Variants in NKAIN2 observed in about 807,000 individuals in gnomAD.
The protein encoded by NKAIN2 is sodium/potassium transporting ATPase interacting 2, also known as sodium/potassium-transporting ATPase subunit beta-1-interacting protein 2.
In NKAIN2, 14 loss-of-function variants were observed where a neutral mutation model predicts 32.6. The observed-to-expected ratio is 0.43, with a 90% CI of 0.28 to 0.67. The LOEUF is 0.67. Ranked by LOEUF, NKAIN2 falls within the 30% of genes least tolerant of loss-of-function variation. The probability of loss-of-function intolerance (pLI) is 0.17; values close to 1 mark genes in which losing one functional copy is unlikely to be tolerated. For synonymous variants in NKAIN2, 80 were observed against 87.2 expected, an observed-to-expected ratio of 0.92 and a Z score of 0.46; for missense variants, 198 against 258.3, an observed-to-expected ratio of 0.77 and a Z score of 1.60.
intron 1 of NKAIN2, among the ~76,000 whole-genome samples, chr6:123,845,309 C>T (rs2114943947): frequency 1.3e-5 from 2 of 152,286 alleles, no homozygotes; most frequent in South Asian, 4.1e-4. Context: ...TCAAATAGCT[C>T]ACAAGTCTTT....
At chr6:123,950,131 G>A (rs1418919824) in intron 1 of NKAIN2, among the ~76,000 whole-genome samples, 1 of 152,022 alleles carries the variant, frequency 6.6e-6, no homozygotes, top group Non-Finnish European at 1.5e-5. Flanking sequence ...GCATCACTGG[G>A]ATAAATCCCA....
intron 5 of NKAIN2, among the ~76,000 whole-genome samples, chr6:124,811,677 A>G (rs1156836053): frequency 6.6e-6 from 1 of 152,170 alleles, no homozygotes; most frequent in Non-Finnish European, 1.5e-5. Context: ...CACACTGCAG[A>G]TAAGAAAATG....
At chr6:124,186,635 C>T (rs1178916209) in intron 1 of NKAIN2, among the ~76,000 whole-genome samples, 1 of 152,152 alleles carries the variant, frequency 6.6e-6, no homozygotes, top group African/African-American at 2.4e-5. Flanking sequence ...GGAAATCTAT[C>T]AGATACCAAT....
At chr6:124,617,045 A>T (rs542662065) in intron 3 of NKAIN2, among the ~76,000 whole-genome samples, 1 of 152,298 alleles carries the variant, frequency 6.6e-6, no homozygotes, top group Admixed American at 6.5e-5. Flanking sequence ...TGAGTTCAAG[A>T]TCTGTCACTG....
chr6:124,493,729 A>G (rs1436380823), intron 3 of NKAIN2, among the ~76,000 whole-genome samples: 2 of 148,920 alleles, frequency 1.3e-5, no homozygotes, highest in Non-Finnish European at 3.0e-5. Flanking sequence ...AAAAAAAAAA[A>G]AAAAAAAAAA....
At chr6:124,130,334 T>C (rs551937418) in intron 1 of NKAIN2, among the ~76,000 whole-genome samples, 58 of 152,214 alleles carry the variant, frequency 3.8e-4, no homozygotes, top group Non-Finnish European at 6.3e-4. Flanking sequence ...AGTGGCCTTA[T>C]GATTACCTCA....
chr6:124,439,891 G>A (rs1006291889), intron 3 of NKAIN2, among the ~76,000 whole-genome samples: 4 of 151,806 alleles, frequency 2.6e-5, no homozygotes, highest in African/African-American at 9.7e-5. Flanking sequence ...CTCAGATAGG[G>A]GTCTCCAGGA....
chr6:124,045,606 A>G (rs1432096805), intron 1 of NKAIN2, among the ~76,000 whole-genome samples: 1 of 152,030 alleles, frequency 6.6e-6, no homozygotes, highest in African/African-American at 2.4e-5. Flanking sequence ...CTCATCAAAT[A>G]GCAAACAAGG....
At chr6:123,831,634 G>A (rs1023323814) in intron 1 of NKAIN2, among the ~76,000 whole-genome samples, 1 of 150,678 alleles carries the variant, frequency 6.6e-6, no homozygotes, top group African/African-American at 2.4e-5. Context: ...ACATCAGAGT[G>A]GTACCTTTGT....
At chr6:124,496,845 C>T (rs981114103) in intron 3 of NKAIN2, among the ~76,000 whole-genome samples, 2 of 151,990 alleles carry the variant, frequency 1.3e-5, no homozygotes, top group African/African-American at 2.4e-5. Flanking sequence ...TCCATTGACG[C>T]CCCTAAACAT....
chr6:123,805,633 A>G (rs1773182786), intron 1 of NKAIN2, among the ~76,000 whole-genome samples: 1 of 152,222 alleles, frequency 6.6e-6, no homozygotes, highest in African/African-American at 2.4e-5. Flanking sequence ...ACAGATTCAT[A>G]TAAGTTTTGC....
chr6:124,603,933 T>C (rs1782403490), intron 3 of NKAIN2, among the ~76,000 whole-genome samples: 2 of 152,082 alleles, frequency 1.3e-5, no homozygotes, highest in South Asian at 4.1e-4. Flanking sequence ...CTTCAAGGGG[T>C]TTTGTCATCT....
intron 5 of NKAIN2, among the ~76,000 whole-genome samples, chr6:124,815,160 C>T (rs112067611): frequency 2.0e-5 from 3 of 149,336 alleles, no homozygotes; most frequent in African/African-American, 7.4e-5. Flanking sequence ...AACAAGAGCC[C>T]ATCCAGATAA....
chr6:124,181,350 G>A (rs184608617), intron 1 of NKAIN2, among the ~76,000 whole-genome samples: 1 of 152,136 alleles, frequency 6.6e-6, no homozygotes, highest in East Asian at 1.9e-4. Flanking sequence ...GACATGCCTT[G>A]GAGACATTTT....
intron 1 of NKAIN2, among the ~76,000 whole-genome samples, chr6:123,840,074 C>A (rs2114932798): frequency 6.6e-6 from 1 of 152,066 alleles, no homozygotes; most frequent in Admixed American, 6.5e-5. Flanking sequence ...TAATAATCAC[C>A]TTGAAAGCTT....
chr6:124,334,004 T>C (rs1583065315), intron 2 of NKAIN2, among the ~76,000 whole-genome samples: 1 of 152,220 alleles, frequency 6.6e-6, no homozygotes, highest in East Asian at 1.9e-4. Flanking sequence ...AAAAAAAGTT[T>C]TTATATTCCA....
chr6:124,169,902 C>G (rs1003906377), intron 1 of NKAIN2, among the ~76,000 whole-genome samples: 4 of 152,100 alleles, frequency 2.6e-5, no homozygotes, highest in Non-Finnish European at 4.4e-5. Context: ...AATGCTCAGC[C>G]TTAAAATGGT....
intron 1 of NKAIN2, among the ~76,000 whole-genome samples, chr6:124,155,393 G>A (rs1396359392): frequency 1.3e-5 from 2 of 151,968 alleles, no homozygotes; most frequent in Admixed American, 6.6e-5. Context: ...TACATCATAT[G>A]TATCAAAACA....
At chr6:124,747,980 A>G (rs1278970187) in intron 4 of NKAIN2, among the ~76,000 whole-genome samples, 1 of 151,942 alleles carries the variant, frequency 6.6e-6, no homozygotes, top group Non-Finnish European at 1.5e-5. Context: ...GTCACAATGA[A>G]TGTTTTTGAA....
Sources: allele counts gnomAD v4.1 joint callset (sites outside exome capture counted in the v4.1 genomes callset), GRCh38; gene constraint gnomAD v4.1.1; transcripts MANE v1.5; gene names NCBI Gene and HGNC (gene_info 2026-07-23, HGNC 2026-07-21).